OPHN1: variants seen among roughly 807,000 people sequenced by gnomAD.
The protein encoded by OPHN1 is oligophrenin 1.
A neutral mutation model predicts 60.7 loss-of-function variants in OPHN1; 11 were observed. The ratio of observed to expected loss-of-function variants is 0.18; its 90% CI spans 0.11 to 0.30. The LOEUF (loss-of-function observed/expected upper bound fraction) is 0.30. Among genes scored for constraint, OPHN1 ranks in the 10% least tolerant of loss-of-function variants. The pLI, the probability that OPHN1 is intolerant of heterozygous loss-of-function variation, is 1.00. For synonymous variants in OPHN1, 226 were observed against 222.6 expected (o/e 1.02, Z -0.14); for missense variants, 449 against 611.0 (o/e 0.73, Z 2.80).
At chrX:68,419,081 C>A (rs2078813212) in intron 2 of OPHN1, among the ~76,000 whole-genome samples, 1 of 110,213 alleles carries the variant, frequency 9.1e-6, no homozygotes, top group Admixed American at 9.8e-5. Context: ...GATCTCGGCT[C>A]ACTGCAACCT....
Position 68,210,292 on chromosome X carries a change from C to T in OPHN1, c.703-10G>A, listed in dbSNP as rs1352462878. 8.3e-7 allele frequency: 1 copy of T among 1,200,543 alleles called. No homozygotes were observed. The highest frequency in any genetic ancestry group is 2.2e-5 in the Admixed American group (1 of 45,877). ...AGAAATGATTTCTTGTCTGTCAAGA[C>T]ATCATCATGAAAATCATTATTATCA... On this transcript the variant is annotated splice_polypyrimidine_tract_variant and intron_variant, in intron 8 of 24. Coordinates refer to ENST00000355520, the MANE Select transcript of OPHN1 (RefSeq NM_002547.3).
chrX:68,233,119 G>A (rs2077736590), intron 6 of OPHN1, among the ~76,000 whole-genome samples: 1 of 110,698 alleles, frequency 9.0e-6, no homozygotes, highest in African/African-American at 3.3e-5. Context: ...GTAGAGCTGG[G>A]GTTTTGCCAT....
chrX:68,161,873 C>T (rs758677217), intron 15 of OPHN1, among the ~76,000 whole-genome samples: 17 of 111,086 alleles, frequency 1.5e-4, no homozygotes, highest in Non-Finnish European at 3.0e-4. Context: ...ATTCATATAA[C>T]GGAATACTAT....
At position 68,125,930 on chromosome X, in the gene OPHN1, A is replaced by AATATATATATATATATATATATATGT. The variant is rs2077168408; in HGVS notation, c.1277-6599_1277-6598insACATATATATATATATATATATATAT. On this transcript the variant is annotated intron_variant, in intron 15 of 24. Transcript: ENST00000355520. ...AAGCTATTGGCCATAACCACTGATC[A>AATATATATATATATATATATATATGT]ATATATATATATATATATATATATA... Among the ~76,000 whole-genome samples, 7 of 22,260 alleles carry AATATATATATATATATATATATATGT rather than the reference A, an allele frequency of 3.1e-4. 2 individuals are homozygous for AATATATATATATATATATATATATGT. Among genetic ancestry groups the AATATATATATATATATATATATATGT allele is most frequent in the African/African-American group, 5.4e-4 (5 of 9,316 alleles). The allele number at this position is 22,260 out of a possible 115,157, so 19.3% of individuals were successfully genotyped here.
chrX:68,073,139 C>A lies in OPHN1; in HGVS notation c.1834+13G>T. 8.3e-7 allele frequency: 1 copy of A among 1,202,864 alleles called. No homozygotes were observed. ...TCACCATTCAGAAGCTAAAGGTGAACCTCAGTACTGACCTTCGCTTTCATC... is the reference window on the plus strand; with the variant it reads ...TCACCATTCAGAAGCTAAAGGTGAAACTCAGTACTGACCTTCGCTTTCATC... On this transcript the variant is annotated intron_variant, in intron 20 of 24. Transcript: ENST00000355520.
intron 2 of OPHN1, among the ~76,000 whole-genome samples, chrX:68,409,281 C>T (rs1283250114): frequency 4.5e-5 from 5 of 111,140 alleles, no homozygotes; most frequent in Non-Finnish European, 9.4e-5. Flanking sequence ...TTCTATAAAC[C>T]CTAGGCCAGT....
intron 2 of OPHN1, among the ~76,000 whole-genome samples, chrX:68,357,654 G>A (rs909997964): frequency 4.5e-5 from 5 of 110,837 alleles, no homozygotes; most frequent in African/African-American, 1.6e-4. Context: ...GTCTATCATT[G>A]TTGGACATGT....
chrX:68,353,247 C>T (rs915795272), intron 2 of OPHN1, among the ~76,000 whole-genome samples: 1 of 108,587 alleles, frequency 9.2e-6, no homozygotes, highest in Non-Finnish European at 1.9e-5. Flanking sequence ...AGACATACTT[C>T]ATATACCATA....
At chrX:68,433,658 G>A (rs4434761), upstream of OPHN1, 844 of 296,232 alleles carry the variant, frequency 2.8e-3, 4 homozygotes, top group African/African-American at 0.02. Context: ...AGGGCCCGCT[G>A]GCTGCTAAGA....
chrX:68,301,398 A>G (rs764500605), intron 2 of OPHN1, among the ~76,000 whole-genome samples: 25 of 100,928 alleles, frequency 2.5e-4, no homozygotes, highest in Non-Finnish European at 4.2e-4. Context: ...GCGAGCCGAG[A>G]TCATGCCACT....
At chrX:68,369,675 G>A (rs2078517292) in intron 2 of OPHN1, among the ~76,000 whole-genome samples, 2 of 109,780 alleles carry the variant, frequency 1.8e-5, no homozygotes, top group African/African-American at 3.3e-5. Context: ...GGGTCATTGA[G>A]ACATCATCAA....
At chrX:68,205,452 T>TAAA (rs2077553858) in intron 10 of OPHN1, among the ~76,000 whole-genome samples, 1 of 109,460 alleles carries the variant, frequency 9.1e-6, no homozygotes, top group Non-Finnish European at 1.9e-5. Context: ...CCATCGCAAA[T>TAAA]AATAATAATA....
intron 2 of OPHN1, among the ~76,000 whole-genome samples, chrX:68,352,264 T>A (rs1202671121): frequency 2.7e-5 from 3 of 109,385 alleles, no homozygotes; most frequent in Non-Finnish European, 5.7e-5. Context: ...AATATTAATA[T>A]TATTCCTATA....
At chrX:68,132,263 G>A (rs1036568470) in intron 15 of OPHN1, among the ~76,000 whole-genome samples, 3 of 105,501 alleles carry the variant, frequency 2.8e-5, no homozygotes, top group Admixed American at 1.0e-4. Context: ...TGTTTATTGC[G>A]GCATTATTCA....
intron 3 of OPHN1, among the ~76,000 whole-genome samples, chrX:68,288,996 G>A (rs1242829947): frequency 9.0e-6 from 1 of 111,110 alleles, no homozygotes; most frequent in Admixed American, 9.6e-5. Flanking sequence ...AGATCAGACT[G>A]TCCATTACAG....
At chrX:68,157,499 T>C (rs1333158645) in intron 15 of OPHN1, among the ~76,000 whole-genome samples, 2 of 111,258 alleles carry the variant, frequency 1.8e-5, no homozygotes, top group African/African-American at 3.3e-5. Flanking sequence ...ACACCACATG[T>C]TCTCATTTAT....
Position 68,205,351 on chromosome X carries a change from G to A in OPHN1, c.933+1222C>T, listed in dbSNP as rs777229813. Among the ~76,000 whole-genome samples the A allele has an allele frequency of 3.7e-3, 416 of 111,267 alleles. 1 individual carries two copies. The highest frequency in any genetic ancestry group is 6.1e-3 in the Non-Finnish European group (323 of 53,157). ...TAATACCAGCTGCTCAAGAGGCTGA[G>A]GCAGGAGAATCGCTTGAACCCGGGA... On this transcript the variant is annotated intron_variant, in intron 10 of 24. Transcript: ENST00000355520.
intron 5 of OPHN1, among the ~76,000 whole-genome samples, chrX:68,256,489 T>C (rs2077864280): frequency 9.0e-6 from 1 of 111,677 alleles, no homozygotes; most frequent in Non-Finnish European, 1.9e-5. Context: ...TTAACTCCTA[T>C]ATCATTACCA....
At chrX:68,299,938 T>A (rs1423045993) in intron 2 of OPHN1, among the ~76,000 whole-genome samples, 1 of 109,895 alleles carries the variant, frequency 9.1e-6, no homozygotes, top group Non-Finnish European at 1.9e-5. Flanking sequence ...AGCAGCATCA[T>A]CATCGCCTGG....
Sources: allele counts gnomAD v4.1 joint callset (sites outside exome capture counted in the v4.1 genomes callset), GRCh38; gene constraint gnomAD v4.1.1; transcripts MANE v1.5; gene names NCBI Gene and HGNC (gene_info 2026-07-23, HGNC 2026-07-21).